Variants in GPC5 observed in about 807,000 individuals in gnomAD.
The protein encoded by GPC5 is glypican-5.
In GPC5, 47 loss-of-function variants were observed where a neutral mutation model predicts 53.9. The observed-to-expected ratio is 0.87, with a 90% confidence interval of 0.69 to 1.11. The LOEUF (loss-of-function observed/expected upper bound fraction) is 1.11, where lower values mean the gene tolerates loss of function less well. Ranked by LOEUF, GPC5 falls within the 50% of genes most tolerant of loss-of-function variation. The pLI, the probability that GPC5 is intolerant of heterozygous loss-of-function variation, is 0.00. For synonymous variants in GPC5, 286 were observed against 263.3 expected, an observed-to-expected ratio of 1.09 and a Z score of -0.84; for missense variants, 748 against 713.1, an observed-to-expected ratio of 1.05 and a Z score of -0.56.
In GPC5 at chr13:91,432,209, GTGTGTGTGTGT is replaced by G. The variant is rs1879528136; in HGVS notation, c.164-16551_164-16541del. ...ACTGCTGCTGCTGCTGCTGCTGTGT[GTGTGTGTGTGT>G]GTGTGTGTGTGTGTGTGTGTGTGTG... is the stretch of plus-strand genomic sequence containing the variant. On this transcript the variant is annotated intron_variant, in intron 1 of 7. Coordinates refer to ENST00000377067, the MANE Select transcript of GPC5 (RefSeq NM_004466.6). Among the ~76,000 whole-genome samples the G allele has an allele frequency of 2.8e-5, 3 of 105,650 alleles. No individual in the cohort carries two copies. In the South Asian group the frequency reaches 8.2e-4, roughly 29 times the overall value. The allele number at this position is 105,650 out of a possible 152,430, so 69.3% of individuals were successfully genotyped here.
At chr13:91,454,046 T>C (rs1422416586) in intron 2 of GPC5, among the ~76,000 whole-genome samples, 1 of 152,136 alleles carries the variant, frequency 6.6e-6, no homozygotes, top group Non-Finnish European at 1.5e-5. Context: ...CTTTTCCTTG[T>C]TCAGTTTTAG....
At chr13:92,432,518 G>T (rs540927195) in intron 7 of GPC5, among the ~76,000 whole-genome samples, 1 of 150,232 alleles carries the variant, frequency 6.7e-6, no homozygotes, top group East Asian at 2.0e-4. Flanking sequence ...ATCATCACAG[G>T]CACCCACCAC....
intron 6 of GPC5, among the ~76,000 whole-genome samples, chr13:92,055,441 G>A (rs994241769): frequency 2.0e-5 from 3 of 152,150 alleles, no homozygotes; most frequent in Non-Finnish European, 2.9e-5. Context: ...CAAAATTCAA[G>A]ATGTAAACTT....
intron 2 of GPC5, among the ~76,000 whole-genome samples, chr13:91,633,584 G>A (rs1382556821): frequency 2.6e-5 from 4 of 152,132 alleles, no homozygotes; most frequent in African/African-American, 9.7e-5. Flanking sequence ...GACAACTCAG[G>A]TTGGAGTTTC....
At chr13:91,474,044 T>C (rs1033628237) in intron 2 of GPC5, among the ~76,000 whole-genome samples, 5 of 152,184 alleles carry the variant, frequency 3.3e-5, no homozygotes, top group African/African-American at 1.2e-4. Context: ...ATGTCCAGTG[T>C]AGGTTGTGAA....
At chr13:92,633,797 T>C (rs995137308) in intron 7 of GPC5, among the ~76,000 whole-genome samples, 1 of 152,110 alleles carries the variant, frequency 6.6e-6, no homozygotes, top group African/African-American at 2.4e-5. Flanking sequence ...CACACACAAT[T>C]TGTTTCCTTG....
intron 6 of GPC5, among the ~76,000 whole-genome samples, chr13:92,061,057 G>T (rs1332894022): frequency 3.3e-5 from 5 of 150,796 alleles, no homozygotes; most frequent in African/African-American, 1.2e-4. Flanking sequence ...TTTGGAGTAT[G>T]GTGGTTTGTA....
At chr13:92,044,855 C>CA (rs534569188) in intron 6 of GPC5, among the ~76,000 whole-genome samples, 184 of 152,134 alleles carry the variant, frequency 1.2e-3, no homozygotes, top group Non-Finnish European at 2.3e-3. Flanking sequence ...CTACTTCTGG[C>CA]AAAAAATTAA....
intron 7 of GPC5, among the ~76,000 whole-genome samples, chr13:92,691,571 C>T (rs927508964): frequency 9.2e-5 from 14 of 152,014 alleles, no homozygotes; most frequent in Admixed American, 2.0e-4. Context: ...TGTTCCTATT[C>T]GGCCATCTTG....
chr13:92,716,214 ATTCTT>A (rs1888322933), intron 7 of GPC5, among the ~76,000 whole-genome samples: 1 of 152,056 alleles, frequency 6.6e-6, no homozygotes, highest in Non-Finnish European at 1.5e-5. Flanking sequence ...AATCATGAAT[ATTCTT>A]TCATGTTTAT....
intron 7 of GPC5, among the ~76,000 whole-genome samples, chr13:92,256,821 G>T (rs1288382711): frequency 1.3e-5 from 2 of 151,390 alleles, no homozygotes; most frequent in Non-Finnish European, 2.9e-5. Context: ...ATGGAATCAA[G>T]TTTGCTTTGT....
At chr13:92,009,612 G>C (rs557364297) in intron 6 of GPC5, among the ~76,000 whole-genome samples, 1 of 152,224 alleles carries the variant, frequency 6.6e-6, no homozygotes, top group South Asian at 2.1e-4. Context: ...AGAACCCAGT[G>C]CAGATTTCTA....
chr13:91,883,884 C>T (rs755660876), intron 5 of GPC5, among the ~76,000 whole-genome samples: 12 of 151,832 alleles, frequency 7.9e-5, no homozygotes, highest in Non-Finnish European at 1.2e-4. Flanking sequence ...ATTCCATTAC[C>T]CACATAGTAA....
chr13:92,084,993 A>G (rs1051761862), intron 6 of GPC5, among the ~76,000 whole-genome samples: 6 of 152,202 alleles, frequency 3.9e-5, no homozygotes, highest in African/African-American at 1.2e-4. Context: ...TACTTCATAG[A>G]TGGCGACTTC....
chr13:91,417,723 G>C (rs16945906), intron 1 of GPC5, among the ~76,000 whole-genome samples: 2 of 151,112 alleles, frequency 1.3e-5, no homozygotes, highest in Non-Finnish European at 1.5e-5. Context: ...AGTCCATAAC[G>C]AAAGTTCTTG....
intron 7 of GPC5, among the ~76,000 whole-genome samples, chr13:92,562,453 A>G (rs1170691338): frequency 6.6e-6 from 1 of 152,032 alleles, no homozygotes. Context: ...GAGGGCACTG[A>G]GATAACAAAG....
At chr13:92,805,072 C>G (rs938989361) in intron 7 of GPC5, among the ~76,000 whole-genome samples, 12 of 152,030 alleles carry the variant, frequency 7.9e-5, no homozygotes, top group Non-Finnish European at 8.8e-5. Context: ...AAATTCTGAA[C>G]CCTTGAAAGT....
chr13:92,701,631 T>TTCAA (rs1254528275), intron 7 of GPC5: 5 of 152,136 alleles, frequency 3.3e-5, no homozygotes, highest in African/African-American at 7.2e-5. Context: ...TATCACAGAT[T>TTCAA]TCAATCAGTG....
intron 2 of GPC5, among the ~76,000 whole-genome samples, chr13:91,551,796 CAACAT>C (rs1566497648): frequency 6.6e-6 from 1 of 151,976 alleles, no homozygotes; most frequent in Non-Finnish European, 1.5e-5. Flanking sequence ...AGAGAAAGAG[CAACAT>C]TATTCATGAA....
Sources: allele counts gnomAD v4.1 joint callset (sites outside exome capture counted in the v4.1 genomes callset), GRCh38; gene constraint gnomAD v4.1.1; transcripts MANE v1.5; gene names NCBI Gene and HGNC (gene_info 2026-07-23, HGNC 2026-07-21).